CPT1A: variants seen among roughly 807,000 people sequenced by gnomAD.
The protein encoded by CPT1A is carnitine O-palmitoyltransferase 1, liver isoform.
CPT1A carries 64 observed loss-of-function variants against 100.8 expected under a neutral mutation model. That is an observed-to-expected ratio of 0.63 (90% confidence interval 0.52 to 0.78). CPT1A has a LOEUF of 0.78. Among genes scored for constraint, CPT1A ranks in the 30% least tolerant of loss-of-function variants. The pLI is 0.00. For missense variants in CPT1A, 802 were observed against 1,034.1 expected (o/e 0.78, Z 3.08); for synonymous variants, 363 against 396.0 (o/e 0.92, Z 0.99).
rs1857074529 is a variant in CPT1A, at chr11:68,838,576, A to AAAAAAAAAAC, written c.-14+3198_-14+3199insGTTTTTTTTT. Among the ~76,000 whole-genome samples the AAAAAAAAAAC allele has an allele frequency of 2.1e-5, 3 of 143,496 alleles. 1 individual carries two copies. Among genetic ancestry groups the AAAAAAAAAAC allele is most frequent in the South Asian group, 4.6e-4 (2 of 4,392 alleles). 94.1% of individuals were successfully genotyped at this position (143,496 alleles called of 152,430 possible). On this transcript the variant is annotated intron_variant, in intron 1 of 18. Transcript: ENST00000265641. ...TACTCTGTATCTGCACCTTTTTAAAAAAAAAAAAAAAAAAACAGAGACAGG... is the reference window on the plus strand; with the variant it reads ...TACTCTGTATCTGCACCTTTTTAAAAAAAAAAAAACAAAAAAAAAAAAAAACAGAGACAGG...
chr11:68,841,696 C>T lies in CPT1A; in HGVS notation c.-14+79G>A. 1.3e-6 allele frequency: 1 copy of T among 794,526 alleles called. No homozygotes were observed. The highest frequency in any genetic ancestry group is 1.5e-6 in the Non-Finnish European group (1 of 655,106). 49.2% of individuals were successfully genotyped at this position (794,526 alleles called of 1,614,324 possible). On this transcript the variant is annotated intron_variant, in intron 1 of 18. Coordinates refer to ENST00000265641, the MANE Select transcript of CPT1A (RefSeq NM_001876.4). This position sits in a 1 kb window ranked among gnomAD's most constrained non-coding sequence, Gnocchi z 6.3. Reference sequence around the variant, plus strand: ...CACCCGGTCCGGTTCCCGGCAGCCCCGCGCCCCGCCCGTCCCCGGCCCCCG... The same window carrying T: ...CACCCGGTCCGGTTCCCGGCAGCCCTGCGCCCCGCCCGTCCCCGGCCCCCG...
chr11:68,798,848 G>C (rs976066972), intron 6 of CPT1A, among the ~76,000 whole-genome samples: 61 of 152,216 alleles, frequency 4.0e-4, no homozygotes, highest in Non-Finnish European at 3.1e-4. Context: ...TCGTGCTGGT[G>C]TACCTGCACT....
At chr11:68,780,322 G>A (rs1246486589) in intron 12 of CPT1A, among the ~76,000 whole-genome samples, 3 of 152,122 alleles carry the variant, frequency 2.0e-5, no homozygotes, top group Non-Finnish European at 2.9e-5. Context: ...TCGCTCTGTC[G>A]CCCAGGCCGG....
intron 1 of CPT1A, among the ~76,000 whole-genome samples, chr11:68,838,599 A>G (rs1015707901): frequency 1.3e-5 from 2 of 151,434 alleles, no homozygotes; most frequent in East Asian, 1.9e-4. Context: ...AAACAGAGAC[A>G]GGGTCTGGCT....
At chr11:68,835,085 T>C (rs1856976120) in intron 1 of CPT1A, among the ~76,000 whole-genome samples, 1 of 151,966 alleles carries the variant, frequency 6.6e-6, no homozygotes, top group Non-Finnish European at 1.5e-5. Flanking sequence ...CAGACAAATA[T>C]GATCTTAGAA....
Position 68,822,446 on chromosome 11 carries a change from T to G in CPT1A, c.-13-6959A>C, listed in dbSNP as rs145167418. On this transcript the variant is annotated intron_variant, in intron 1 of 18. Coordinates refer to ENST00000265641, the MANE Select transcript of CPT1A (RefSeq NM_001876.4). ...AACTTGGGAGGCTGAGGCAGGAGGATCGCTTGAGCCCAGGAAGTGGAGGCT... is the reference window on the plus strand; with the variant it reads ...AACTTGGGAGGCTGAGGCAGGAGGAGCGCTTGAGCCCAGGAAGTGGAGGCT... 5.9e-3 allele frequency among the ~76,000 whole-genome samples: 902 copies of G among 151,658 alleles called. 12 individuals are homozygous for G. The highest frequency in any genetic ancestry group is 0.02 in the African/African-American group (830 of 41,338).
chr11:68,841,835 G>A lies in CPT1A; in HGVS notation c.-74C>T. On this transcript the variant is annotated 5_prime_UTR_variant, in exon 1 of 19. Coordinates refer to ENST00000265641, the MANE Select transcript of CPT1A (RefSeq NM_001876.4). This position sits in a 1 kb window ranked among gnomAD's most constrained non-coding sequence, Gnocchi z 6.3. The stretch of plus-strand genomic sequence containing the variant: ...AGCGGCGGCGGCGGCGGCGGCGGTG[G>A]AGTGAACGAGCGGCGAGCGGGAGCC... 3.0e-6 allele frequency: 3 copies of A among 997,244 alleles called. No individual in the cohort carries two copies. Among genetic ancestry groups the A allele is most frequent in the Non-Finnish European group, 3.6e-6 (3 of 840,290 alleles). The allele number at this position is 997,244 out of a possible 1,614,324, so 61.8% of individuals were successfully genotyped here.
chr11:68,835,936 T>C (rs1856998495), intron 1 of CPT1A, among the ~76,000 whole-genome samples: 1 of 152,208 alleles, frequency 6.6e-6, no homozygotes, highest in South Asian at 2.1e-4. Context: ...TGACACCTGT[T>C]AGGTCTTTAC....
chr11:68,831,925 G>A (rs572634748), intron 1 of CPT1A, among the ~76,000 whole-genome samples: 110 of 152,202 alleles, frequency 7.2e-4, no homozygotes, highest in Non-Finnish European at 1.3e-3. Flanking sequence ...GAGCCACTGT[G>A]CCCGACCCAG....
At chr11:68,822,132 T>G (rs1166382421) in intron 1 of CPT1A, among the ~76,000 whole-genome samples, 3 of 151,842 alleles carry the variant, frequency 2.0e-5, no homozygotes, top group Non-Finnish European at 4.4e-5. Flanking sequence ...AATCCCAGCA[T>G]TTTGGGAGGC....
intron 14 of CPT1A, among the ~76,000 whole-genome samples, chr11:68,763,055 G>A (rs1286368486): frequency 6.6e-6 from 1 of 152,036 alleles, no homozygotes; most frequent in African/African-American, 2.4e-5. Flanking sequence ...TCACCACATT[G>A]CCCAGGCTGG....
intron 1 of CPT1A, among the ~76,000 whole-genome samples, chr11:68,829,403 A>G (rs77818363): frequency 0.015 from 2,207 of 152,166 alleles, 26 homozygotes; most frequent in East Asian, 0.045. Flanking sequence ...CCCTGGTGGG[A>G]AAAGGTGGTG....
downstream of CPT1A, chr11:68,754,663 C>A: frequency 1.5e-6 from 1 of 654,070 alleles, no homozygotes. Context: ...GTGTCAGGCA[C>A]TGTTCTCAGC....
At chr11:68,800,877 G>A (rs1474094241) in intron 5 of CPT1A, among the ~76,000 whole-genome samples, 2 of 152,170 alleles carry the variant, frequency 1.3e-5, no homozygotes, top group Non-Finnish European at 2.9e-5. Flanking sequence ...CACTTTGGGA[G>A]GCTGAATCAG....
intron 1 of CPT1A, among the ~76,000 whole-genome samples, chr11:68,834,626 T>C (rs1402500881): frequency 2.6e-5 from 4 of 152,022 alleles, no homozygotes; most frequent in Non-Finnish European, 4.4e-5. Context: ...GGGTAGTGCA[T>C]GCCTGTGGTC....
intron 14 of CPT1A, among the ~76,000 whole-genome samples, chr11:68,769,614 T>C (rs973735882): frequency 1.3e-5 from 2 of 152,100 alleles, no homozygotes; most frequent in Non-Finnish European, 2.9e-5. Context: ...CACCTCCCCG[T>C]GTCCTGCCTC....
chr11:68,801,629 GAAA>G (rs746559700), intron 5 of CPT1A, among the ~76,000 whole-genome samples: 1 of 125,784 alleles, frequency 8.0e-6, no homozygotes, highest in Non-Finnish European at 1.7e-5. Flanking sequence ...GACTCTGTCT[GAAA>G]AAAAAAAAAA....
At chr11:68,769,887 A>G (rs1026684139) in intron 14 of CPT1A, among the ~76,000 whole-genome samples, 2 of 152,028 alleles carry the variant, frequency 1.3e-5, no homozygotes, top group Non-Finnish European at 1.5e-5. Flanking sequence ...CGTCTCTACT[A>G]AAGATACAAA....
intron 1 of CPT1A, 150 bp from the exon 2 acceptor site, chr11:68,815,637 C>T: frequency 1.4e-6 from 1 of 736,500 alleles, no homozygotes; most frequent in South Asian, 1.7e-5. Flanking sequence ...AATTCCATCA[C>T]CACAGCTGGC....
Sources: gnomAD v4.1 joint callset for allele counts (sites outside exome capture counted in the v4.1 genomes callset) on GRCh38, gnomAD v4.1.1 for gene constraint, Gnocchi (gnomAD v3.1) non-coding constraint, MANE v1.5 for transcripts, NCBI Gene and HGNC (gene_info 2026-07-23, HGNC 2026-07-21) for gene names.